Variants in CXCL17 observed in about 807,000 individuals in gnomAD.
The protein encoded by CXCL17 is C-X-C motif chemokine 17.
Under a neutral mutation model 15.5 loss-of-function variants are expected in CXCL17, and 9 were observed. The observed-to-expected ratio is 0.58, with a 90% confidence interval of 0.35 to 1.01. The LOEUF is 1.01. Among genes scored for constraint, CXCL17 ranks in the 50% least tolerant of loss-of-function variants. The pLI is 0.02. For missense variants in CXCL17, 133 were observed against 138.2 expected (o/e 0.96, Z 0.19); for synonymous variants, 52 against 52.3 (o/e 0.99, Z 0.02).
Position 42,428,646 on chromosome 19 carries a change from G to A in CXCL17, c.*238C>T, listed in dbSNP as rs1025694537. The A allele has an allele frequency of 3.8e-5, 15 of 394,698 alleles. No individual in the cohort carries two copies. Among genetic ancestry groups the A allele is most frequent in the Non-Finnish European group, 5.4e-5 (12 of 220,262 alleles). 24.4% of individuals were successfully genotyped at this position (394,698 alleles called of 1,614,324 possible). A position where few individuals can be genotyped will look rare whatever the true frequency, so the allele number is the denominator to read the frequency against. ...GCTACAGTTTCCTGGAATCTTTCAG[G>A]TAATTAAGCCTAAGCCTGGGTAAGG... On this transcript the variant is annotated 3_prime_UTR_variant, in exon 4 of 4. Transcript: ENST00000601181.
rs2040909308 is a variant in CXCL17 at position 42,442,917 on chromosome 19, C to CA, written c.-86dup. The CA allele has an allele frequency of 9.7e-7, 1 of 1,031,374 alleles. No homozygotes were observed. Among genetic ancestry groups the CA allele is most frequent in the Non-Finnish European group, 1.5e-6 (1 of 676,772 alleles). 63.9% of individuals were successfully genotyped at this position (1,031,374 alleles called of 1,614,324 possible). A position where few individuals can be genotyped will look rare whatever the true frequency, so the allele number is the denominator to read the frequency against. Reference sequence around the variant, plus strand: ...AGGCTCCTGATCCCTGGGGATGACTCAGGTCAGGATACTCAGCCTGGTGGT... The same window carrying CA: ...AGGCTCCTGATCCCTGGGGATGACTCAAGGTCAGGATACTCAGCCTGGTGGT... On this transcript the variant is annotated 5_prime_UTR_variant, in exon 1 of 4. Transcript: ENST00000601181.
intron 1 of CXCL17, among the ~76,000 whole-genome samples, chr19:42,439,119 TG>T (rs2040866036): frequency 6.6e-6 from 1 of 151,730 alleles, no homozygotes; most frequent in Non-Finnish European, 1.5e-5. Context: ...CTGGGTGTGG[TG>T]GTGTCTGCCT....
At chr19:42,439,240 C>A (rs1161840117) in intron 1 of CXCL17, among the ~76,000 whole-genome samples, 15 of 105,408 alleles carry the variant, frequency 1.4e-4, no homozygotes, top group African/African-American at 5.1e-4. Flanking sequence ...GGCAACAGAG[C>A]AAGACTCTAT....
intron 1 of CXCL17, among the ~76,000 whole-genome samples, chr19:42,434,216 A>T (rs2040811354): frequency 6.6e-6 from 1 of 152,162 alleles, no homozygotes; most frequent in South Asian, 2.1e-4. Context: ...TGATTAAAAA[A>T]ATCTGGCCTA....
At chr19:42,429,218 G>T (rs572639804) in intron 3 of CXCL17, among the ~76,000 whole-genome samples, 2 of 152,140 alleles carry the variant, frequency 1.3e-5, no homozygotes, top group South Asian at 4.1e-4. Context: ...GTAGAGACAG[G>T]GTTTCACCAT....
At chr19:42,432,933 G>C (rs1057236116) in intron 3 of CXCL17, 43 bp downstream of exon 3, 3 of 1,442,538 alleles carry the variant, frequency 2.1e-6, no homozygotes, top group Admixed American at 1.7e-5. Flanking sequence ...GTGATTTCAC[G>C]GAGTGACTCT....
intron 1 of CXCL17, among the ~76,000 whole-genome samples, chr19:42,436,563 A>C (rs1252743236): frequency 6.6e-6 from 1 of 152,004 alleles, no homozygotes; most frequent in Non-Finnish European, 1.5e-5. Context: ...TATTATTCTT[A>C]CCAACTGTTG....
chr19:42,433,585 A>G (rs1034922633), intron 2 of CXCL17, among the ~76,000 whole-genome samples, 191 bp downstream of exon 2: 4 of 152,202 alleles, frequency 2.6e-5, no homozygotes, highest in Non-Finnish European at 5.9e-5. Context: ...TTTCCCCTAG[A>G]CCTTGGAGAA....
intron 3 of CXCL17, among the ~76,000 whole-genome samples, chr19:42,430,318 G>A (rs1485886672): frequency 1.3e-5 from 2 of 151,906 alleles, no homozygotes; most frequent in African/African-American, 2.4e-5. Context: ...TATTGTGTCC[G>A]GGCACGGTGG....
At chr19:42,430,154 C>G (rs2040763166) in intron 3 of CXCL17, among the ~76,000 whole-genome samples, 1 of 151,884 alleles carries the variant, frequency 6.6e-6, no homozygotes, top group Non-Finnish European at 1.5e-5. Flanking sequence ...GACCTTGTCT[C>G]AACTGCGCCC....
chr19:42,429,051 G>T, intron 3 of CXCL17, 70 bp from the exon 4 acceptor site: 1 of 1,248,780 alleles, frequency 8.0e-7, no homozygotes. Context: ...TTTTGGAGAC[G>T]GAGTCTTGCT....
At position 42,442,774 on chromosome 19, in the gene CXCL17, A is replaced by G; in HGVS notation, c.59T>C (p.Val20Ala). 6.2e-7 allele frequency: 1 copy of G among 1,612,822 alleles called. No individual in the cohort carries two copies. Among genetic ancestry groups the G allele is most frequent in the Non-Finnish European group, 8.5e-7 (1 of 1,179,564 alleles). Residue 20 changes from valine (V) to alanine (A), a missense_variant, in exon 1 of 4, where the codon GTC becomes GCC. By Grantham distance (64) the Val-to-Ala change is moderately conservative (BLOSUM62 0). Transcript: ENST00000601181. ...LLLPLMLMSMVSSSLNPGVAR... is the reference protein window; with the variant it reads ...LLLPLMLMSMASSSLNPGVAR... ...TTTACCTGGATTCAGGCTGCTAGAG[A>G]CCATGGACATCAGCATTAGTGGCAG...
chr19:42,438,539 C>G (rs2040860769), intron 1 of CXCL17, among the ~76,000 whole-genome samples: 1 of 151,040 alleles, frequency 6.6e-6, no homozygotes, highest in Non-Finnish European at 1.5e-5. Context: ...GTAACTGAAA[C>G]TGCGATTAAG....
intron 3 of CXCL17, among the ~76,000 whole-genome samples, chr19:42,430,813 C>T (rs528128649): frequency 5.9e-5 from 9 of 151,748 alleles, no homozygotes; most frequent in African/African-American, 2.2e-4. Context: ...ATATTATGGT[C>T]TGAATGTTTA....
At chr19:42,436,368 T>C (rs991394583) in intron 1 of CXCL17, among the ~76,000 whole-genome samples, 1 of 152,244 alleles carries the variant, frequency 6.6e-6, no homozygotes, top group Non-Finnish European at 1.5e-5. Context: ...ATTTAAACTT[T>C]TCTAACATTT....
intron 3 of CXCL17, among the ~76,000 whole-genome samples, chr19:42,431,751 G>C (rs1044076358): frequency 1.3e-5 from 2 of 151,472 alleles, no homozygotes; most frequent in African/African-American, 4.9e-5. Flanking sequence ...ATGTTGCCCA[G>C]GCTGGTCTTG....
At chr19:42,432,141 GTTTTTTT>G (rs370344388) in intron 3 of CXCL17, among the ~76,000 whole-genome samples, 1 of 108,622 alleles carries the variant, frequency 9.2e-6, no homozygotes, top group African/African-American at 3.7e-5. Flanking sequence ...TGCCAATTTA[GTTTTTTT>G]TTTTTTTTTT....
chr19:42,442,523 C>T (rs920058734), intron 1 of CXCL17, among the ~76,000 whole-genome samples: 2 of 152,106 alleles, frequency 1.3e-5, no homozygotes, highest in African/African-American at 4.8e-5. Context: ...AGTGAGCCAC[C>T]GCGCCCGGCC....
intron 1 of CXCL17, among the ~76,000 whole-genome samples, chr19:42,440,248 A>G (rs1361293838): frequency 6.6e-6 from 1 of 152,106 alleles, no homozygotes; most frequent in Non-Finnish European, 1.5e-5. Flanking sequence ...TGTTATTTTA[A>G]GTAATTTATT....
Sources: gnomAD v4.1 joint callset for allele counts (sites outside exome capture counted in the v4.1 genomes callset) on GRCh38, gnomAD v4.1.1 for gene constraint, MANE v1.5 for transcripts, NCBI Gene and HGNC (gene_info 2026-07-23, HGNC 2026-07-21) for gene names.